C6orf118: variants seen among roughly 807,000 people sequenced by gnomAD.
The protein encoded by C6orf118 is chromosome 6 open reading frame 118.
In C6orf118, 50 loss-of-function variants were observed where a neutral mutation model predicts 50.2. The observed-to-expected ratio is 1.00, with a 90% confidence interval of 0.79 to 1.26. C6orf118 has a LOEUF of 1.26. Ranked by LOEUF, C6orf118 falls within the 50% of genes most tolerant of loss-of-function variation. The pLI is 0.00. For synonymous variants in C6orf118, 239 were observed against 230.9 expected, an observed-to-expected ratio of 1.03 and a Z score of -0.32; for missense variants, 641 against 578.7, an observed-to-expected ratio of 1.11 and a Z score of -1.10.
In C6orf118 at chr6:165,301,639, T is replaced by C. The variant is rs1780542725; in HGVS notation, c.683A>G (p.Lys228Arg). The C allele has an allele frequency of 2.5e-6, 4 of 1,614,058 alleles. No homozygotes were observed. The Admixed American group carries it at 6.7e-5, about 27-fold the overall frequency. The change falls in exon 2 of 9, where the codon AAG becomes AGG. Residue 228 changes from lysine to arginine, a missense_variant. Transcript: ENST00000230301. ...FLRFQKEVLA[K>R]QDLLKNDFTG... ...GAAGTCATTCTTCAGGAGATCTTGC[T>C]TGGCGAGCACTTCCTTCTGGAAACG... is the stretch of plus-strand genomic sequence containing the variant.
At chr6:165,294,576 A>G (rs1165409902) in intron 5 of C6orf118, among the ~76,000 whole-genome samples, 1 of 152,164 alleles carries the variant, frequency 6.6e-6, no homozygotes, top group Non-Finnish European at 1.5e-5. Flanking sequence ...TAGGGTGGTT[A>G]TTATGACCCT....
At chr6:165,309,001 C>T (rs558009124) in intron 1 of C6orf118, among the ~76,000 whole-genome samples, 57 of 152,280 alleles carry the variant, frequency 3.7e-4, no homozygotes, top group African/African-American at 1.4e-3. Flanking sequence ...TGGGAAAAAG[C>T]GAAGGCTTCG....
rs190755783 is a variant in C6orf118, at chr6:165,288,904, C to A, written c.1302+982G>T. Among the ~76,000 whole-genome samples, 99 of 151,654 alleles carry A rather than the reference C, an allele frequency of 6.5e-4. 1 individual carries two copies. The highest frequency in any genetic ancestry group is 2.2e-3 in the African/African-American group (90 of 41,342). On this transcript the variant is annotated intron_variant, in intron 7 of 8. Coordinates refer to ENST00000230301, the MANE Select transcript of C6orf118 (RefSeq NM_144980.4). ...CGCATACATTTACCTGTGTAACAAACCTCCACATCCTGCACATGTACCCTG... is the reference window on the plus strand; with the variant it reads ...CGCATACATTTACCTGTGTAACAAAACTCCACATCCTGCACATGTACCCTG...
At chr6:165,287,798 T>A (rs1437800564) in intron 7 of C6orf118, among the ~76,000 whole-genome samples, 2 of 151,986 alleles carry the variant, frequency 1.3e-5, no homozygotes, top group African/African-American at 4.8e-5. Context: ...ATAGGTTAAA[T>A]GCTTACATGT....
intron 1 of C6orf118, 48 bp downstream of exon 1, chr6:165,309,514 C>T (rs763839886): frequency 1.9e-6 from 3 of 1,611,094 alleles, no homozygotes; most frequent in Non-Finnish European, 2.5e-6. Context: ...CACAATTGAA[C>T]ATCAAGCAAA....
intron 7 of C6orf118, among the ~76,000 whole-genome samples, chr6:165,287,525 T>G (rs1779951732): frequency 1.3e-5 from 2 of 152,134 alleles, no homozygotes; most frequent in Admixed American, 6.5e-5. Context: ...CTGCCTGACT[T>G]CAAGCTATAC....
intron 5 of C6orf118, among the ~76,000 whole-genome samples, chr6:165,296,263 T>TGC (rs1562330115): frequency 7.4e-6 from 1 of 134,380 alleles, no homozygotes; most frequent in Admixed American, 7.7e-5. Flanking sequence ...TTTTTTTTTT[T>TGC]TTTTTTTTTT....
At chr6:165,297,849 T>A in intron 5 of C6orf118, 128 bp downstream of exon 5, 1 of 1,346,730 alleles carries the variant, frequency 7.4e-7, no homozygotes, top group Non-Finnish European at 1.0e-6. Context: ...ATGACAGGCA[T>A]GATATTAGCA....
At chr6:165,285,275 T>C (rs1779862331) in intron 7 of C6orf118, among the ~76,000 whole-genome samples, 1 of 152,182 alleles carries the variant, frequency 6.6e-6, no homozygotes, top group Non-Finnish European at 1.5e-5. Flanking sequence ...CTATCCTAAA[T>C]ATATATGCAC....
At position 165,293,257 on chromosome 6, in the gene C6orf118, G is replaced by A. The variant is rs186558467; in HGVS notation, c.1120+156C>T. 9 of 752,386 alleles carry A rather than the reference G, an allele frequency of 1.2e-5. No homozygotes were observed. The Admixed American group carries it at 1.4e-4, about 12-fold the overall frequency. The allele number at this position is 752,386 out of a possible 1,614,324, so 46.6% of individuals were successfully genotyped here. A position where few individuals can be genotyped will look rare whatever the true frequency, so the allele number is the denominator to read the frequency against. ...ACCACGTGCCAGGCCCTGTGATCTT[G>A]GGTGATGTGGGTGAATATGTTGAAT... On this transcript the variant is annotated intron_variant, in intron 6 of 8. Transcript: ENST00000230301.
chr6:165,282,980 C>T (rs1241554106), intron 7 of C6orf118, among the ~76,000 whole-genome samples: 1 of 152,150 alleles, frequency 6.6e-6, no homozygotes, highest in Non-Finnish European at 1.5e-5. Context: ...GTCCTGAGGA[C>T]ATTTATTTTC....
chr6:165,280,005 CAT>C lies in C6orf118; in HGVS notation c.*50_*51del. On this transcript the variant is annotated 3_prime_UTR_variant, in exon 9 of 9. Coordinates refer to ENST00000230301, the MANE Select transcript of C6orf118 (RefSeq NM_144980.4). ...TATGCATCTGCAAATATCCATGCTACATACATGGAAGTTAAGAATTTCCACTG... is the reference window on the plus strand; with the variant it reads ...TATGCATCTGCAAATATCCATGCTACACATGGAAGTTAAGAATTTCCACTG... 6.5e-7 allele frequency: 1 copy of C among 1,538,914 alleles called. No individual in the cohort carries two copies. Among genetic ancestry groups the C allele is most frequent in the Non-Finnish European group, 8.8e-7 (1 of 1,130,010 alleles).
intron 7 of C6orf118, among the ~76,000 whole-genome samples, chr6:165,286,306 A>G (rs1309987917): frequency 6.6e-6 from 1 of 152,088 alleles, no homozygotes; most frequent in Non-Finnish European, 1.5e-5. Flanking sequence ...ATTTTTTTTA[A>G]AAAGCCCAGG....
At chr6:165,306,556 A>G (rs1253437769) in intron 1 of C6orf118, among the ~76,000 whole-genome samples, 2 of 144,260 alleles carry the variant, frequency 1.4e-5, no homozygotes, top group African/African-American at 2.7e-5. Context: ...AAAAAAAAAA[A>G]AAAAAGAAAT....
chr6:165,309,279 G>A (rs781779352), intron 1 of C6orf118, among the ~76,000 whole-genome samples: 1 of 152,146 alleles, frequency 6.6e-6, no homozygotes, highest in Admixed American at 6.5e-5. Flanking sequence ...GGCTTCCGGA[G>A]ACTCCAACAC....
At chr6:165,300,242 C>T (rs2128162663) in intron 3 of C6orf118, 122 bp downstream of exon 3, 1 of 1,174,354 alleles carries the variant, frequency 8.5e-7, no homozygotes, top group Non-Finnish European at 1.2e-6. Context: ...GAGTGATGGT[C>T]CCTGTCTGTA....
intron 5 of C6orf118, among the ~76,000 whole-genome samples, chr6:165,297,767 C>A (rs1040373000): frequency 6.6e-6 from 1 of 152,222 alleles, no homozygotes; most frequent in African/African-American, 2.4e-5. Flanking sequence ...CCTGCCCAAA[C>A]TCCCCCCATG....
At chr6:165,298,311 A>G (rs1780389349) in intron 4 of C6orf118, among the ~76,000 whole-genome samples, 1 of 152,156 alleles carries the variant, frequency 6.6e-6, no homozygotes, top group African/African-American at 2.4e-5. Context: ...TACCTTTTTC[A>G]ATATGTTAAA....
At chr6:165,290,610 G>T (rs1375111473) in intron 6 of C6orf118, among the ~76,000 whole-genome samples, 2 of 152,156 alleles carry the variant, frequency 1.3e-5, no homozygotes, top group African/African-American at 4.8e-5. Flanking sequence ...GATCTGAGAA[G>T]ATTTGTGACC....
Sources: allele counts gnomAD v4.1 joint callset (sites outside exome capture counted in the v4.1 genomes callset), GRCh38; gene constraint gnomAD v4.1.1; transcripts MANE v1.5; gene names NCBI Gene and HGNC (gene_info 2026-07-23, HGNC 2026-07-21).